ZNF334: variants seen among roughly 807,000 people sequenced by gnomAD.
ZNF334 encodes zinc finger protein 334.
ZNF334 carries 14 observed loss-of-function variants against 12.4 expected under a neutral mutation model. The ratio of observed to expected loss-of-function variants is 1.13; its 90% CI spans 0.74 to 1.76. The LOEUF (loss-of-function observed/expected upper bound fraction) is 1.76, where lower values mean the gene tolerates loss of function less well. ZNF334 is among the 40% of genes most tolerant of loss of function. ZNF334 has a pLI of 0.00. For synonymous variants in ZNF334, 273 were observed against 269.6 expected (o/e 1.01, Z -0.12); for missense variants, 797 against 804.5 (o/e 0.99, Z 0.11).
At chr20:46,475,678 C>T in the ZNF334 span, among the ~76,000 whole-genome samples, 2 of 152,088 alleles carry the variant, frequency 1.3e-5, no homozygotes, top group Non-Finnish European at 2.9e-5. Flanking sequence ...GAAAAGTGTT[C>T]AACATCATTA....
the ZNF334 span, among the ~76,000 whole-genome samples, chr20:46,478,832 C>G: frequency 6.6e-6 from 1 of 152,100 alleles, no homozygotes; most frequent in Non-Finnish European, 1.5e-5. Flanking sequence ...GGGCATTTCA[C>G]CCCGTTGGGT....
At chr20:46,478,789 G>A in the ZNF334 span, among the ~76,000 whole-genome samples, 1 of 152,160 alleles carries the variant, frequency 6.6e-6, no homozygotes, top group Admixed American at 6.5e-5. Flanking sequence ...TCAGGTCTGG[G>A]TGCTGGTGGC....
chr20:46,471,709 C>G, the ZNF334 span, among the ~76,000 whole-genome samples: 6 of 152,186 alleles, frequency 3.9e-5, no homozygotes, highest in Non-Finnish European at 8.8e-5. Context: ...ATCATTCCTT[C>G]CCCACTGCTC....
the ZNF334 span, chr20:46,463,794 T>C: frequency 3.6e-6 from 1 of 280,796 alleles, no homozygotes; most frequent in South Asian, 4.2e-5. Context: ...CTGGAGTTGA[T>C]AGGCCTGCCT....
the ZNF334 span, among the ~76,000 whole-genome samples, chr20:46,487,379 C>T: frequency 6.6e-6 from 1 of 152,230 alleles, no homozygotes; most frequent in African/African-American, 2.4e-5. Context: ...TCCTTACACA[C>T]AAGCCATCAG....
In ZNF334 at chr20:46,502,452, C is replaced by T. The variant is rs771364194; in HGVS notation, c.887G>A (p.Ser296Asn). The T allele has an allele frequency of 6.2e-7, 1 of 1,614,074 alleles. No homozygotes were observed. The highest frequency in any genetic ancestry group is 8.5e-7 in the Non-Finnish European group (1 of 1,179,974). ...IHTGERPYEC[S>N]ECRKTFIDKS... ...GTCAATGAAGGTTTTCCTGCATTCA[C>T]TGCATTCATAGGGTCTCTCTCCAGT... The change falls in exon 5 of 5, where the codon AGT (serine) becomes AAT (asparagine). Residue 296 changes from serine (S) to asparagine (N), a missense_variant. Transcript: ENST00000692313.
chr20:46,483,628 A>G, the ZNF334 span, among the ~76,000 whole-genome samples: 35 of 152,178 alleles, frequency 2.3e-4, no homozygotes, highest in Middle Eastern at 3.2e-3. Flanking sequence ...TTGTTTCCCA[A>G]CAGACTTGCA....
chr20:46,474,962 A>C, the ZNF334 span, among the ~76,000 whole-genome samples: 2 of 152,192 alleles, frequency 1.3e-5, no homozygotes, highest in African/African-American at 2.4e-5. Context: ...AGGAACAGAA[A>C]CAGAGGCACA....
At chr20:46,466,619 G>C in the ZNF334 span, among the ~76,000 whole-genome samples, 1 of 152,150 alleles carries the variant, frequency 6.6e-6, no homozygotes, top group Non-Finnish European at 1.5e-5. Context: ...GAGTAGCTGA[G>C]ATTACAGGTA....
chr20:46,512,389 GA>G (rs536038666), intron 1 of ZNF334, among the ~76,000 whole-genome samples, 150 bp downstream of exon 1: 1 of 152,100 alleles, frequency 6.6e-6, no homozygotes, highest in Non-Finnish European at 1.5e-5. Context: ...TGCCTCCTTT[GA>G]AAAAAATTGA....
chr20:46,504,216 G>A lies in ZNF334; in HGVS notation c.239C>T (p.Pro80Leu), dbSNP rs759151622. The change falls in exon 4 of 5, where the codon CCA (proline) becomes CTA (leucine). Residue 80 changes from proline (P) to leucine (L), a missense_variant and splice_region_variant. By Grantham distance (98) the Pro-to-Leu change is moderately conservative. Coordinates refer to ENST00000692313, the MANE Select transcript of ZNF334 (RefSeq NM_001353824.2). ...IVEEFSNQNY[P>L]DIDDALEKNK... is the part of the protein sequence containing the mutation. Reference sequence around the variant, plus strand: ...CTGCTCAGTTATCATTTACTTACCTGGGTAGTTCTGATTTGAGAATTCCTC... The same window carrying A: ...CTGCTCAGTTATCATTTACTTACCTAGGTAGTTCTGATTTGAGAATTCCTC... The A allele has an allele frequency of 6.2e-7, 1 of 1,606,450 alleles. No individual in the cohort carries two copies. Among genetic ancestry groups the A allele is most frequent in the Non-Finnish European group, 8.5e-7 (1 of 1,175,094 alleles).
Position 46,513,381 on chromosome 20 carries a change from G to A in ZNF334, c.-880C>T, listed in dbSNP as rs1237059034. 1 of 152,728 alleles carries A rather than the reference G, an allele frequency of 6.5e-6. No individual in the cohort carries two copies. The highest frequency in any genetic ancestry group is 1.5e-5 in the Non-Finnish European group (1 of 68,508). The allele number at this position is 152,728 out of a possible 1,614,324, so 9.5% of individuals were successfully genotyped here. On this transcript the variant is annotated 5_prime_UTR_variant, in exon 1 of 5. Coordinates refer to ENST00000692313, the MANE Select transcript of ZNF334 (RefSeq NM_001353824.2). ...GGAGAGCGCGCGTCCACCCTCCGCA[G>A]ACCCGAGGCCCGCTCCGCCCGGCCC...
downstream of ZNF334, among the ~76,000 whole-genome samples, chr20:46,498,455 A>C (rs2061060866): frequency 6.6e-6 from 1 of 152,128 alleles, no homozygotes; most frequent in Non-Finnish European, 1.5e-5. Flanking sequence ...TGTGGGAGAG[A>C]GCCATGGTAG....
At chr20:46,496,296 C>T (rs146314441), downstream of ZNF334, among the ~76,000 whole-genome samples, 229 of 152,290 alleles carry the variant, frequency 1.5e-3, 5 homozygotes, top group East Asian at 0.024. Context: ...AGGTGAGGTG[C>T]TGCTGCATGG....
rs2061222724 is a variant in ZNF334 at position 46,502,271 on chromosome 20, A to G, written c.1068T>C (p.Asn356=). The G allele has an allele frequency of 6.2e-7, 1 of 1,613,886 alleles. No homozygotes were observed. Among genetic ancestry groups the G allele is most frequent in the Admixed American group, 1.7e-5 (1 of 59,986 alleles). Residue 356 remains asparagine (N), a synonymous_variant, in exon 5 of 5, where the codon AAT becomes AAC. Transcript: ENST00000692313. The stretch of plus-strand genomic sequence containing the variant: ...CAAGATACGATTTCTTGCTGAAGGC[A>G]TTTCCACATTCCTTGCATTCGTAAG... The part of the protein sequence containing the change: ...EKPYECKECG[N]AFSKKSYLVV...
rs1331714050 is a variant in ZNF334 at position 46,501,955 on chromosome 20, CA to C, written c.1383del (p.Tyr461Ter). On this transcript the variant is annotated frameshift_variant, in exon 5 of 5. Coordinates refer to ENST00000692313, the MANE Select transcript of ZNF334 (RefSeq NM_001353824.2). LOFTEE classifies it low-confidence loss of function (END_TRUNC). The stretch of plus-strand genomic sequence containing the variant: ...AAAAATTTCCCACATTCATTACATT[CA>C]TAAGACTTCTTTCCTCTATGAGTTA... Reference protein sequence around the residue: ...HQITHRGKKSYECNECGKFFC... With the variant: ...HQITHRGKKSXECNECGKFFC... 1.2e-6 allele frequency: 2 copies of C among 1,613,888 alleles called. No homozygotes were observed. The highest frequency in any genetic ancestry group is 2.7e-5 in the African/African-American group (2 of 74,936).
chr20:46,477,564 T>C, the ZNF334 span, among the ~76,000 whole-genome samples: 1 of 152,218 alleles, frequency 6.6e-6, no homozygotes, highest in Non-Finnish European at 1.5e-5. Flanking sequence ...CTCAGACTTC[T>C]GGCCTCAGGA....
chr20:46,512,216 C>A, intron 1 of ZNF334, 76 bp from the exon 2 acceptor site: 1 of 1,088,238 alleles, frequency 9.2e-7, no homozygotes. Flanking sequence ...CCTACAAAGC[C>A]ACACACCCAT....
chr20:46,501,033 T>G lies in ZNF334; in HGVS notation c.*263A>C. On this transcript the variant is annotated 3_prime_UTR_variant, in exon 5 of 5. Transcript: ENST00000692313. ...ACTTAAACAATGTTTGTTTCATTAT[T>G]TTAAAAGGGAGGCACATTTGGCATA... The G allele has an allele frequency of 2.5e-6, 1 of 394,852 alleles. No individual in the cohort carries two copies. Among genetic ancestry groups the G allele is most frequent in the Non-Finnish European group, 4.5e-6 (1 of 222,122 alleles). 24.5% of individuals were successfully genotyped at this position (394,852 alleles called of 1,614,324 possible). A position where few individuals can be genotyped will look rare whatever the true frequency, so the allele number is the denominator to read the frequency against.
Sources: allele counts gnomAD v4.1 joint callset (sites outside exome capture counted in the v4.1 genomes callset), GRCh38; gene constraint gnomAD v4.1.1; transcripts MANE v1.5; gene names NCBI Gene and HGNC (gene_info 2026-07-23, HGNC 2026-07-21).